STPG2: variants seen among roughly 807,000 people sequenced by gnomAD.
STPG2 encodes sperm-tail PG-rich repeat-containing protein 2.
Under a neutral mutation model 54.2 loss-of-function variants are expected in STPG2, and 56 were observed. The ratio of observed to expected loss-of-function variants is 1.03; its 90% confidence interval spans 0.83 to 1.29. The LOEUF is 1.29. STPG2 is among the 50% of genes most tolerant of loss of function. The pLI, the probability that STPG2 is intolerant of heterozygous loss-of-function variation, is 0.00. For synonymous variants in STPG2, 200 were observed against 181.8 expected (o/e 1.10, Z -0.81); for missense variants, 596 against 544.9 (o/e 1.09, Z -0.93).
chr4:97,976,827 A>G (rs577525605), intron 6 of STPG2, among the ~76,000 whole-genome samples: 8 of 152,274 alleles, frequency 5.3e-5, no homozygotes, highest in African/African-American at 1.4e-4. Flanking sequence ...AAGGATGTAT[A>G]ATATTTTATT....
intron 8 of STPG2, among the ~76,000 whole-genome samples, chr4:97,929,112 TTG>T (rs1277513861): frequency 1.3e-5 from 2 of 152,308 alleles, no homozygotes; most frequent in Non-Finnish European, 2.9e-5. Context: ...TAGCTCCCAC[TTG>T]TGAGAACATG....
intron 10 of STPG2, among the ~76,000 whole-genome samples, chr4:97,568,350 A>G (rs549858595): frequency 1.3e-5 from 2 of 152,310 alleles, no homozygotes; most frequent in East Asian, 3.9e-4. Flanking sequence ...GGTTAAGCAA[A>G]TGAGTAAATG....
At chr4:97,618,267 T>C (rs1733923489) in intron 10 of STPG2, among the ~76,000 whole-genome samples, 1 of 152,126 alleles carries the variant, frequency 6.6e-6, no homozygotes, top group Non-Finnish European at 1.5e-5. Flanking sequence ...ACCCAGTTGC[T>C]ATGTTGTGAG....
At chr4:97,588,697 C>G (rs1276651093) in intron 10 of STPG2, among the ~76,000 whole-genome samples, 1 of 151,924 alleles carries the variant, frequency 6.6e-6, no homozygotes, top group Admixed American at 6.6e-5. Context: ...AGGGATATCC[C>G]TTTTGACTCA....
intron 7 of STPG2, among the ~76,000 whole-genome samples, chr4:97,949,326 TC>T (rs1733372063): frequency 6.6e-6 from 1 of 152,080 alleles, no homozygotes; most frequent in Admixed American, 6.6e-5. Flanking sequence ...GTTAGGTGAG[TC>T]TCTTGAAGAC....
intron 10 of STPG2, among the ~76,000 whole-genome samples, chr4:97,590,759 A>G (rs902746566): frequency 9.9e-5 from 15 of 152,184 alleles, no homozygotes; most frequent in Middle Eastern, 3.4e-3. Flanking sequence ...AATGATAAAG[A>G]AATTAATAAT....
intron 5 of STPG2, among the ~76,000 whole-genome samples, chr4:98,046,524 G>A (rs1247888792): frequency 6.6e-6 from 1 of 152,130 alleles, no homozygotes; most frequent in Non-Finnish European, 1.5e-5. Context: ...AAACCAGTGA[G>A]CTTGTCCAAA....
At chr4:98,012,651 A>G (rs59751489) in intron 5 of STPG2, among the ~76,000 whole-genome samples, 59,949 of 151,918 alleles carry the variant, frequency 0.39, 12,059 homozygotes, top group Middle Eastern at 0.46. Flanking sequence ...AGTTCTCATT[A>G]AAGAGGTCCC....
chr4:97,898,909 T>C (rs1731062492), intron 8 of STPG2, among the ~76,000 whole-genome samples: 3 of 151,652 alleles, frequency 2.0e-5, no homozygotes, highest in Admixed American at 2.0e-4. Context: ...GAGAATGACT[T>C]TGAAAAGGAT....
In STPG2 at chr4:97,454,059, T is replaced by G. The variant is rs570794487; in HGVS notation, c.462+258640A>C. ...AACTCAAGATTGTTCTTAGAAAGAT[T>G]TATAAAACTGAGATAGTACCACACA... is the stretch of plus-strand genomic sequence containing the variant. On this transcript the variant is annotated intron_variant, in intron 4 of 4. Transcript: ENST00000522676. 3.3e-5 allele frequency among the ~76,000 whole-genome samples: 5 copies of G among 152,112 alleles called. No individual in the cohort carries two copies. In the South Asian group the frequency reaches 6.2e-4, roughly 19 times the overall value.
chr4:98,000,649 A>G (rs185097539), intron 5 of STPG2, among the ~76,000 whole-genome samples: 1 of 152,302 alleles, frequency 6.6e-6, no homozygotes, highest in Admixed American at 6.5e-5. Context: ...TTCCTTTTAA[A>G]CTGATTAAAT....
At chr4:97,540,708 G>A (rs1250488921) in intron 4 of STPG2, among the ~76,000 whole-genome samples, 2 of 152,140 alleles carry the variant, frequency 1.3e-5, no homozygotes, top group African/African-American at 2.4e-5. Context: ...GAACATTGAT[G>A]CAAAAATCCT....
At chr4:97,885,019 A>G (rs777086876) in intron 8 of STPG2, among the ~76,000 whole-genome samples, 3 of 152,210 alleles carry the variant, frequency 2.0e-5, no homozygotes, top group Non-Finnish European at 1.5e-5. Flanking sequence ...AGACATAATT[A>G]TAAAAACAAT....
intron 9 of STPG2, among the ~76,000 whole-genome samples, chr4:97,789,233 C>T (rs969115461): frequency 2.0e-5 from 3 of 151,892 alleles, no homozygotes; most frequent in African/African-American, 2.4e-5. Context: ...TACCTAGCTT[C>T]TTAGTTATTT....
intron 10 of STPG2, among the ~76,000 whole-genome samples, chr4:97,692,980 T>G (rs1578484766): frequency 6.6e-6 from 1 of 152,282 alleles, no homozygotes; most frequent in East Asian, 1.9e-4. Context: ...TACAATCTTT[T>G]TCAGACAAAC....
At chr4:98,105,867 A>C in intron 5 of STPG2, 86 bp downstream of exon 5, 1 of 1,185,730 alleles carries the variant, frequency 8.4e-7, no homozygotes, top group Non-Finnish European at 1.2e-6. Flanking sequence ...GGCACATTAG[A>C]TCAAAGAGCA....
chr4:97,934,586 T>C (rs1034820008), intron 8 of STPG2, among the ~76,000 whole-genome samples: 1 of 152,206 alleles, frequency 6.6e-6, no homozygotes, highest in Non-Finnish European at 1.5e-5. Context: ...TTGAATTTTA[T>C]CGAAGGCCTT....
chr4:98,034,443 A>G (rs1477260321), intron 5 of STPG2, among the ~76,000 whole-genome samples: 4 of 152,194 alleles, frequency 2.6e-5, no homozygotes, highest in African/African-American at 4.8e-5. Flanking sequence ...TCAAGGAAAT[A>G]AGAGAGGACA....
At chr4:97,708,010 T>C (rs899131426) in intron 10 of STPG2, among the ~76,000 whole-genome samples, 18 of 152,138 alleles carry the variant, frequency 1.2e-4, no homozygotes, top group African/African-American at 4.1e-4. Flanking sequence ...AGTGGTTATG[T>C]TGAAATTCAA....
Sources: gnomAD v4.1 joint callset for allele counts (sites outside exome capture counted in the v4.1 genomes callset) on GRCh38, gnomAD v4.1.1 for gene constraint, MANE v1.5 for transcripts, NCBI Gene and HGNC (gene_info 2026-07-23, HGNC 2026-07-21) for gene names.